Variants in FERMT2 observed in about 807,000 individuals in gnomAD.
FERMT2 encodes the protein FERM domain containing kindlin 2.
A neutral mutation model predicts 82.7 loss-of-function variants in FERMT2; 15 were observed. The ratio of observed to expected loss-of-function variants is 0.18; its 90% CI spans 0.12 to 0.28. The LOEUF (loss-of-function observed/expected upper bound fraction) is 0.28, where lower values mean the gene tolerates loss of function less well. Among genes scored for constraint, FERMT2 ranks in the 10% least tolerant of loss-of-function variants. The pLI, the probability that FERMT2 is intolerant of heterozygous loss-of-function variation, is 1.00. For missense variants in FERMT2, 645 were observed against 809.4 expected, an observed-to-expected ratio of 0.80 and a Z score of 2.46; for synonymous variants, 274 against 271.5, an observed-to-expected ratio of 1.01 and a Z score of -0.09.
At chr14:52,880,079 T>C (rs1015585759) in intron 6 of FERMT2, among the ~76,000 whole-genome samples, 13 of 151,874 alleles carry the variant, frequency 8.6e-5, no homozygotes, top group African/African-American at 2.7e-4. Context: ...TTGGGTGAAA[T>C]AGTGAGACTC....
intron 8 of FERMT2, among the ~76,000 whole-genome samples, chr14:52,874,757 A>C (rs1482040660): frequency 6.6e-6 from 1 of 152,204 alleles, no homozygotes; most frequent in South Asian, 2.1e-4. Flanking sequence ...TATTAGATCT[A>C]TTCTTACTGT....
intron 13 of FERMT2, 160 bp from the exon 14 acceptor site, chr14:52,859,874 G>A: frequency 7.4e-6 from 3 of 402,860 alleles, no homozygotes; most frequent in Non-Finnish European, 1.3e-5. Context: ...CTGGAGTGCA[G>A]TGGCGCGATC....
At chr14:52,924,571 G>A (rs891454795) in intron 2 of FERMT2, among the ~76,000 whole-genome samples, 2 of 152,106 alleles carry the variant, frequency 1.3e-5, no homozygotes, top group Non-Finnish European at 2.9e-5. Context: ...GTGGTGATGG[G>A]GGTATGCAAG....
intron 10 of FERMT2, among the ~76,000 whole-genome samples, chr14:52,868,624 C>G (rs1339557169): frequency 6.6e-6 from 1 of 152,098 alleles, no homozygotes; most frequent in East Asian, 1.9e-4. Flanking sequence ...GAAGCCTTGG[C>G]ATCCAGTCTA....
At chr14:52,898,787 GA>G (rs1331183965) in intron 3 of FERMT2, among the ~76,000 whole-genome samples, 1 of 152,106 alleles carries the variant, frequency 6.6e-6, no homozygotes, top group Non-Finnish European at 1.5e-5. Context: ...AGTATGTGGT[GA>G]AAAATCTAAA....
At chr14:52,886,336 T>C (rs574973730) in intron 4 of FERMT2, among the ~76,000 whole-genome samples, 3 of 152,116 alleles carry the variant, frequency 2.0e-5, no homozygotes, top group African/African-American at 7.2e-5. Context: ...TATATGTATC[T>C]ACACATACAT....
chr14:52,946,839 A>T (rs1461047828), intron 2 of FERMT2, among the ~76,000 whole-genome samples: 1 of 151,934 alleles, frequency 6.6e-6, no homozygotes, highest in Non-Finnish European at 1.5e-5. Context: ...CATCCAGCTA[A>T]TTTTTGTATT....
chr14:52,947,896 T>C (rs537324378), intron 2 of FERMT2, among the ~76,000 whole-genome samples: 3 of 152,332 alleles, frequency 2.0e-5, no homozygotes, highest in African/African-American at 4.8e-5. Context: ...AGGGAAATAA[T>C]TGCTGCTACT....
chr14:52,880,727 G>T (rs1352423252), intron 6 of FERMT2, among the ~76,000 whole-genome samples: 3 of 151,952 alleles, frequency 2.0e-5, no homozygotes, highest in Admixed American at 6.6e-5. Flanking sequence ...AGTACCAAAA[G>T]AGTACCTTTA....
At chr14:52,885,373 T>C (rs1456235958) in intron 4 of FERMT2, among the ~76,000 whole-genome samples, 2 of 150,186 alleles carry the variant, frequency 1.3e-5, no homozygotes, top group African/African-American at 4.9e-5. Flanking sequence ...AAACCAATGC[T>C]TCAACAAACA....
At chr14:52,926,717 TG>T (rs1180230821) in intron 2 of FERMT2, among the ~76,000 whole-genome samples, 9 of 151,690 alleles carry the variant, frequency 5.9e-5, no homozygotes, top group African/African-American at 1.9e-4. Context: ...GGGTGGGGCG[TG>T]GGGGGTAAAA....
chr14:52,943,923 T>C (rs1291846497), intron 2 of FERMT2, among the ~76,000 whole-genome samples: 1 of 152,202 alleles, frequency 6.6e-6, no homozygotes, highest in Non-Finnish European at 1.5e-5. Flanking sequence ...TATAAGTAAT[T>C]GAATAAACAT....
chr14:52,900,186 A>T (rs988539514), intron 3 of FERMT2, among the ~76,000 whole-genome samples: 5 of 151,622 alleles, frequency 3.3e-5, no homozygotes, highest in African/African-American at 1.2e-4. Flanking sequence ...CTCACAGGTC[A>T]CAGCAGCCTC....
At chr14:52,876,823 C>A (rs1885984177) in intron 7 of FERMT2, among the ~76,000 whole-genome samples, 1 of 152,052 alleles carries the variant, frequency 6.6e-6, no homozygotes, top group Non-Finnish European at 1.5e-5. Context: ...ACCATACTTT[C>A]ACAGTTTCCT....
intron 10 of FERMT2, among the ~76,000 whole-genome samples, chr14:52,867,733 A>G (rs112667859): frequency 6.6e-6 from 1 of 151,638 alleles, no homozygotes; most frequent in Non-Finnish European, 1.5e-5. Flanking sequence ...CCCAAATTAA[A>G]CTCATCTTTC....
intron 2 of FERMT2, among the ~76,000 whole-genome samples, chr14:52,947,092 G>T (rs57858200): frequency 6.6e-6 from 1 of 152,138 alleles, no homozygotes; most frequent in Non-Finnish European, 1.5e-5. Flanking sequence ...GTCACATTAC[G>T]ATATAATTCC....
chr14:52,917,773 C>T (rs1464832826), intron 3 of FERMT2, among the ~76,000 whole-genome samples: 1 of 152,198 alleles, frequency 6.6e-6, no homozygotes, highest in African/African-American at 2.4e-5. Flanking sequence ...AGGGAAGCCA[C>T]AGCCCAAACT....
chr14:52,874,273 T>A, intron 8 of FERMT2, 47 bp from the exon 9 acceptor site: 2 of 1,252,778 alleles, frequency 1.6e-6, no homozygotes, highest in Non-Finnish European at 2.2e-6. Context: ...TATTTGAAAT[T>A]CTTTCTAATG....
intron 3 of FERMT2, among the ~76,000 whole-genome samples, chr14:52,906,404 G>A (rs190666157): frequency 2.0e-5 from 3 of 152,250 alleles, no homozygotes; most frequent in Admixed American, 1.3e-4. Flanking sequence ...TGTTGCCTCT[G>A]GTCTATCCTA....
Sources: gnomAD v4.1 joint callset for allele counts (sites outside exome capture counted in the v4.1 genomes callset) on GRCh38, gnomAD v4.1.1 for gene constraint, MANE v1.5 for transcripts, NCBI Gene and HGNC (gene_info 2026-07-23, HGNC 2026-07-21) for gene names.